PRKD1: variants seen among roughly 807,000 people sequenced by gnomAD.
The protein encoded by PRKD1 is protein kinase D1, also known as serine/threonine-protein kinase D1.
In PRKD1, 63 loss-of-function variants were observed where a neutral mutation model predicts 95.9. That is an observed-to-expected ratio of 0.66 (90% confidence interval 0.54 to 0.81). PRKD1 has a LOEUF of 0.81. Ranked by LOEUF, PRKD1 falls within the 30% of genes least tolerant of loss-of-function variation. The pLI is 0.00. For missense variants in PRKD1, 1,048 were observed against 1,165.3 expected (o/e 0.90, Z 1.47); for synonymous variants, 425 against 423.1 (o/e 1.00, Z -0.05).
At chr14:29,668,346 A>G (rs1882640176) in intron 2 of PRKD1, among the ~76,000 whole-genome samples, 1 of 152,200 alleles carries the variant, frequency 6.6e-6, no homozygotes, top group South Asian at 2.1e-4. Context: ...AGATTCCAAG[A>G]GAGGAACAAT....
intron 17 of PRKD1, among the ~76,000 whole-genome samples, chr14:29,578,036 C>CTG (rs146693648): frequency 3.4e-4 from 51 of 150,364 alleles, no homozygotes; most frequent in South Asian, 1.0e-3. Context: ...TGGTTTTGGG[C>CTG]TGTGTGTGTG....
chr14:29,695,475 G>A (rs1884464065), intron 2 of PRKD1, among the ~76,000 whole-genome samples: 1 of 152,170 alleles, frequency 6.6e-6, no homozygotes, highest in Admixed American at 6.5e-5. Flanking sequence ...ATGGAAAGTA[G>A]ATACAATTTG....
chr14:29,890,621 C>T (rs1406225460), intron 1 of PRKD1, among the ~76,000 whole-genome samples: 1 of 152,002 alleles, frequency 6.6e-6, no homozygotes, highest in African/African-American at 2.4e-5. Flanking sequence ...TGGCCTTTCT[C>T]TTTTTTTTCT....
intron 1 of PRKD1, among the ~76,000 whole-genome samples, chr14:29,888,998 A>T (rs771165621): frequency 6.6e-6 from 1 of 151,860 alleles, no homozygotes. Context: ...TATCCCCTAA[A>T]CTGTGGTCTT....
intron 1 of PRKD1, among the ~76,000 whole-genome samples, chr14:29,749,664 G>A (rs889225698): frequency 6.6e-6 from 1 of 152,078 alleles, no homozygotes; most frequent in African/African-American, 2.4e-5. Context: ...AAAGTTGTGG[G>A]TACAGCTTTA....
Position 29,903,721 on chromosome 14 carries a change from A to G in PRKD1, c.264+23528T>C, listed in dbSNP as rs1449067546. Among the ~76,000 whole-genome samples the G allele has an allele frequency of 3.3e-5, 5 of 152,332 alleles. No homozygotes were observed. The East Asian group carries it at 9.6e-4, about 29-fold the overall frequency. On this transcript the variant is annotated intron_variant, in intron 1 of 17. Coordinates refer to ENST00000331968, the MANE Select transcript of PRKD1 (RefSeq NM_002742.3). ...GGGATAAAGGGGTGACAACTGAGGA[A>G]CAAAAAATGATTAATGAAAAAAGCC...
chr14:29,865,882 TA>T (rs200299657), intron 1 of PRKD1, among the ~76,000 whole-genome samples: 2,381 of 152,314 alleles, frequency 0.016, 60 homozygotes, highest in African/African-American at 0.049. Context: ...GCTAGTCCTG[TA>T]TGTTACTGAC....
rs1394697895 is a variant in PRKD1, at chr14:29,624,226, T to C, written c.1831A>G (p.Ile611Val). 5 of 1,605,530 alleles carry C rather than the reference T, an allele frequency of 3.1e-6. No individual in the cohort carries two copies. The highest frequency in any genetic ancestry group is 4.3e-6 in the Non-Finnish European group (5 of 1,175,704). ...AATCGTAATTTGTCAATGATTTTAA[T>C]AGCTACATCTCTTCCTGTTTTACGA... ...KHRKTGRDVA[I>V]KIIDKLRFPT... The change falls in exon 13 of 18, where the codon ATT (isoleucine) becomes GTT (valine). Residue 611 changes from isoleucine to valine, a missense_variant. Coordinates refer to ENST00000331968, the MANE Select transcript of PRKD1 (RefSeq NM_002742.3).
intron 1 of PRKD1, among the ~76,000 whole-genome samples, chr14:29,800,160 A>T (rs145046087): frequency 1.3e-4 from 20 of 152,336 alleles, no homozygotes; most frequent in African/African-American, 4.8e-4. Flanking sequence ...GAAAAATGTG[A>T]CAAGAGACTC....
At position 29,812,455 on chromosome 14, in the gene PRKD1, C is replaced by T. The variant is rs894697303; in HGVS notation, c.265-86781G>A. Among the ~76,000 whole-genome samples, 7 of 152,242 alleles carry T rather than the reference C, an allele frequency of 4.6e-5. No individual in the cohort carries two copies. The East Asian group carries it at 5.8e-4, about 13-fold the overall frequency. ...TCTCAGGAGGAAAGCGTTCAGTTAT[C>T]GTATTAGTTCGTTTTCACACTGCTA... On this transcript the variant is annotated intron_variant, in intron 1 of 17. Transcript: ENST00000331968.
rs758381848 is a variant in PRKD1, at chr14:29,686,448, A to C, written c.404-20240T>G. Among the ~76,000 whole-genome samples, 5 of 152,252 alleles carry C rather than the reference A, an allele frequency of 3.3e-5. No individual in the cohort carries two copies. In the East Asian group the frequency reaches 5.8e-4, roughly 18 times the overall value. ...GTGCTTCTTTAGCTATCATCTCCAC[A>C]CTCAGGGTGCTCCAGGTACCCAGTT... On this transcript the variant is annotated intron_variant, in intron 2 of 17. Coordinates refer to ENST00000331968, the MANE Select transcript of PRKD1 (RefSeq NM_002742.3).
chr14:29,850,012 T>C (rs1002418063), intron 1 of PRKD1, among the ~76,000 whole-genome samples: 3 of 152,072 alleles, frequency 2.0e-5, no homozygotes, highest in Non-Finnish European at 4.4e-5. Context: ...CCCTTCATGA[T>C]GAAAACCCTC....
At position 29,927,242 on chromosome 14, in the gene PRKD1, G is replaced by A; in HGVS notation, c.264+7C>T. On this transcript the variant is annotated splice_region_variant and intron_variant, in intron 1 of 17. Transcript: ENST00000331968. ...GGCGCCGGGCTGGCAGCGGTGCGGC[G>A]ACTTACCTTCTGGTCGACAATGGAG... The A allele has an allele frequency of 6.7e-7, 1 of 1,493,632 alleles. No homozygotes were observed. The highest frequency in any genetic ancestry group is 8.9e-7 in the Non-Finnish European group (1 of 1,121,608). The allele number at this position is 1,493,632 out of a possible 1,614,324, so 92.5% of individuals were successfully genotyped here. A position where few individuals can be genotyped will look rare whatever the true frequency, so the allele number is the denominator to read the frequency against.
chr14:29,694,458 G>C (rs143640293), intron 2 of PRKD1, among the ~76,000 whole-genome samples: 1 of 152,156 alleles, frequency 6.6e-6, no homozygotes, highest in Non-Finnish European at 1.5e-5. Flanking sequence ...GATATTAAAC[G>C]ATGAAAAGGT....
At chr14:29,813,070 A>G (rs1222469889) in intron 1 of PRKD1, among the ~76,000 whole-genome samples, 3 of 152,200 alleles carry the variant, frequency 2.0e-5, no homozygotes, top group Non-Finnish European at 2.9e-5. Flanking sequence ...AGATCATGCC[A>G]TTGCACTCCA....
Position 29,898,736 on chromosome 14 carries a change from A to G in PRKD1, c.264+28513T>C, listed in dbSNP as rs150963553. ...TTGCGAATTTGACTAAATTGACTTC[A>G]ATCCTGTCCAAATGATTACATCAGC... On this transcript the variant is annotated intron_variant, in intron 1 of 17. Transcript: ENST00000331968. 2.2e-3 allele frequency among the ~76,000 whole-genome samples: 334 copies of G among 152,328 alleles called. 4 individuals carry two copies. The highest frequency in any genetic ancestry group is 7.3e-3 in the African/African-American group (305 of 41,580).
At chr14:29,780,789 G>C (rs1481955516) in intron 1 of PRKD1, among the ~76,000 whole-genome samples, 2 of 152,116 alleles carry the variant, frequency 1.3e-5, no homozygotes, top group African/African-American at 4.8e-5. Context: ...CCATTACTGG[G>C]TATATACCCA....
At chr14:29,646,752 GA>G (rs368156410) in intron 4 of PRKD1, among the ~76,000 whole-genome samples, 10,223 of 122,814 alleles carry the variant, frequency 0.083, 463 homozygotes, top group South Asian at 0.25. Context: ...AACAAAAAAC[GA>G]AAAAAAAAAA....
chr14:29,868,220 A>C (rs776702584), intron 1 of PRKD1, among the ~76,000 whole-genome samples: 2 of 152,160 alleles, frequency 1.3e-5, no homozygotes, highest in South Asian at 2.1e-4. Flanking sequence ...GTCAATCAAG[A>C]AAAACCCACG....
Sources: allele counts gnomAD v4.1 joint callset (sites outside exome capture counted in the v4.1 genomes callset), GRCh38; gene constraint gnomAD v4.1.1; transcripts MANE v1.5; gene names NCBI Gene and HGNC (gene_info 2026-07-23, HGNC 2026-07-21).